The following AVEN variants were observed in gnomAD, a reference collection of about 807,000 sequenced individuals.
The protein encoded by AVEN is apoptosis and caspase activation inhibitor.
Under a neutral mutation model 38.1 loss-of-function variants are expected in AVEN, and 41 were observed. That is an observed-to-expected ratio of 1.08 (90% CI 0.84 to 1.40). The LOEUF (loss-of-function observed/expected upper bound fraction) is 1.40, where lower values mean the gene tolerates loss of function less well. Among genes scored for constraint, AVEN ranks in the 40% most tolerant of loss-of-function variants. The pLI, the probability that AVEN is intolerant of heterozygous loss-of-function variation, is 0.00. For synonymous variants in AVEN, 206 were observed against 171.8 expected, an observed-to-expected ratio of 1.20 and a Z score of -1.56; for missense variants, 605 against 438.8, an observed-to-expected ratio of 1.38 and a Z score of -3.38.
At chr15:34,029,352 TC>T (rs1355389372) in intron 1 of AVEN, among the ~76,000 whole-genome samples, 17 of 152,144 alleles carry the variant, frequency 1.1e-4, no homozygotes, top group African/African-American at 4.1e-4. Flanking sequence ...ATTCAATAAT[TC>T]CCTTGGCTGA....
chr15:33,869,669 T>A (rs543206946), intron 4 of AVEN, among the ~76,000 whole-genome samples: 16 of 152,318 alleles, frequency 1.1e-4, no homozygotes, highest in African/African-American at 3.1e-4. Context: ...CTCTGCCTGC[T>A]GTCCCAAATT....
chr15:34,024,491 A>G (rs568134714), intron 1 of AVEN, among the ~76,000 whole-genome samples: 125 of 148,538 alleles, frequency 8.4e-4, no homozygotes, highest in African/African-American at 2.9e-3. Flanking sequence ...AAAAAAAAAA[A>G]AAGAAGCACT....
chr15:33,859,711 T>C, intron 11 of AVEN: 1 of 1,610,744 alleles, frequency 6.2e-7, no homozygotes, highest in Non-Finnish European at 8.5e-7. Flanking sequence ...GTCATTGTCA[T>C]CTTGCTGGCC....
chr15:33,914,990 GC>G (rs1266556472), intron 2 of AVEN, among the ~76,000 whole-genome samples: 2 of 152,138 alleles, frequency 1.3e-5, no homozygotes, highest in Non-Finnish European at 2.9e-5. Context: ...TTGGGAAACA[GC>G]AGGGACAAGA....
At position 34,039,159 on chromosome 15, in the gene AVEN, C is replaced by T; in HGVS notation, c.-113G>A. ...GCCGCGAGCGAAAGGCGCCCGGTAGCAGCGAGGCGCGGGGTGCGGGGCTAG... is the reference window on the plus strand; with the variant it reads ...GCCGCGAGCGAAAGGCGCCCGGTAGTAGCGAGGCGCGGGGTGCGGGGCTAG... On this transcript the variant is annotated 5_prime_UTR_variant, in exon 1 of 6. Coordinates refer to ENST00000306730, the MANE Select transcript of AVEN (RefSeq NM_020371.3). The T allele has an allele frequency of 1.1e-6, 1 of 914,792 alleles. No homozygotes were observed. The highest frequency in any genetic ancestry group is 1.3e-6 in the Non-Finnish European group (1 of 755,414). The allele number at this position is 914,792 out of a possible 1,614,324, so 56.7% of individuals were successfully genotyped here. A position where few individuals can be genotyped will look rare whatever the true frequency, so the allele number is the denominator to read the frequency against.
At chr15:33,868,489 A>G (rs559980161) in intron 4 of AVEN, among the ~76,000 whole-genome samples, 64 of 149,618 alleles carry the variant, frequency 4.3e-4, no homozygotes, top group African/African-American at 1.2e-3. Flanking sequence ...AGCTTGCAGT[A>G]AGCTGAGATT....
At chr15:33,898,879 A>T (rs1426946758) in intron 2 of AVEN, among the ~76,000 whole-genome samples, 1 of 152,236 alleles carries the variant, frequency 6.6e-6, no homozygotes, top group African/African-American at 2.4e-5. Context: ...TGGTATTCAA[A>T]AATAGTATTT....
chr15:34,034,077 G>A (rs942670032), intron 1 of AVEN, among the ~76,000 whole-genome samples: 3 of 152,140 alleles, frequency 2.0e-5, no homozygotes, highest in East Asian at 1.9e-4. Flanking sequence ...GAGCCACTGC[G>A]CCCAGCCTAA....
At chr15:34,017,425 C>T (rs574435666) in intron 1 of AVEN, among the ~76,000 whole-genome samples, 2 of 151,900 alleles carry the variant, frequency 1.3e-5, no homozygotes, top group African/African-American at 2.4e-5. Flanking sequence ...CACATAACTA[C>T]CCATTCTCGT....
At chr15:34,074,623 G>C (rs925962702) in exon 1 of AVEN, among the ~76,000 whole-genome samples, 7 of 151,882 alleles carry the variant, frequency 4.6e-5, no homozygotes, top group Non-Finnish European at 8.8e-5. Context: ...CTTTGGTGTC[G>C]GTCTCTGTGT....
downstream of AVEN, chr15:33,865,334 C>A: frequency 2.6e-6 from 2 of 768,106 alleles, no homozygotes; most frequent in South Asian, 2.0e-5. Context: ...TTCTAAATGC[C>A]TCCCTTAAAA....
At chr15:34,040,282 C>T (rs548230916), upstream of AVEN, among the ~76,000 whole-genome samples, 1 of 152,240 alleles carries the variant, frequency 6.6e-6, no homozygotes, top group South Asian at 2.1e-4. Flanking sequence ...GTGAGAGATT[C>T]AAGATCAAGG....
chr15:33,971,714 A>AT (rs1295990496), intron 2 of AVEN, among the ~76,000 whole-genome samples: 5 of 152,026 alleles, frequency 3.3e-5, no homozygotes, highest in Admixed American at 3.3e-4. Context: ...TTCATAAGGA[A>AT]TTTTTTTCAT....
intron 2 of AVEN, among the ~76,000 whole-genome samples, chr15:33,876,739 A>C (rs1338045993): frequency 6.6e-6 from 1 of 152,228 alleles, no homozygotes; most frequent in East Asian, 1.9e-4. Flanking sequence ...TCAGAATGTC[A>C]AACATATTTT....
intron 2 of AVEN, among the ~76,000 whole-genome samples, chr15:33,904,560 C>T (rs28599940): frequency 0.84 from 127,696 of 151,290 alleles, 56,719 homozygotes; most frequent in Non-Finnish European, 0.98. Context: ...TACAGGTGCC[C>T]GCCACCACGC....
At chr15:33,883,466 G>C (rs1891575419) in intron 2 of AVEN, among the ~76,000 whole-genome samples, 1 of 151,980 alleles carries the variant, frequency 6.6e-6, no homozygotes, top group African/African-American at 2.4e-5. Flanking sequence ...TATTCAATCA[G>C]TGGCACTCCA....
At chr15:33,959,038 A>G (rs1895071297) in intron 2 of AVEN, among the ~76,000 whole-genome samples, 1 of 152,028 alleles carries the variant, frequency 6.6e-6, no homozygotes, top group African/African-American at 2.4e-5. Flanking sequence ...CAGGGTCAAG[A>G]TTTTCCCAAT....
intron 2 of AVEN, among the ~76,000 whole-genome samples, chr15:33,922,310 T>C (rs1327263291): frequency 6.6e-6 from 1 of 152,170 alleles, no homozygotes; most frequent in Non-Finnish European, 1.5e-5. Flanking sequence ...CTAGTGCAGC[T>C]AGAGAGGACC....
downstream of AVEN, among the ~76,000 whole-genome samples, chr15:33,862,447 T>C (rs1373932964): frequency 6.6e-6 from 1 of 152,042 alleles, no homozygotes; most frequent in African/African-American, 2.4e-5. Context: ...GCTCAAGCTA[T>C]CCACCCACCT....
Sources: allele counts gnomAD v4.1 joint callset (sites outside exome capture counted in the v4.1 genomes callset), GRCh38; gene constraint gnomAD v4.1.1; transcripts MANE v1.5; gene names NCBI Gene and HGNC (gene_info 2026-07-23, HGNC 2026-07-21).